Variants in ATP9B observed in about 807,000 individuals in gnomAD.
ATP9B encodes the protein probable phospholipid-transporting ATPase IIB.
In ATP9B, 110 loss-of-function variants were observed where a neutral mutation model predicts 146.1. The observed-to-expected ratio is 0.75, with a 90% CI of 0.65 to 0.88. The LOEUF (loss-of-function observed/expected upper bound fraction) is 0.88. Among genes scored for constraint, ATP9B ranks in the 40% least tolerant of loss-of-function variants. ATP9B has a pLI of 0.00. For synonymous variants in ATP9B, 604 were observed against 569.7 expected, an observed-to-expected ratio of 1.06 and a Z score of -0.86; for missense variants, 1,499 against 1,496.4, an observed-to-expected ratio of 1.00 and a Z score of -0.03.
intron 17 of ATP9B, among the ~76,000 whole-genome samples, chr18:79,335,644 C>T (rs988596318): frequency 3.3e-5 from 5 of 152,130 alleles, no homozygotes; most frequent in Admixed American, 6.5e-5. Flanking sequence ...TGGCCGTGTC[C>T]CCACCAACCC....
chr18:79,349,262 C>A (rs1318044762), intron 25 of ATP9B, among the ~76,000 whole-genome samples: 4 of 152,244 alleles, frequency 2.6e-5, no homozygotes, highest in Non-Finnish European at 2.9e-5. Context: ...CCCACCTTAA[C>A]CAGGTTCCAC....
intron 11 of ATP9B, among the ~76,000 whole-genome samples, chr18:79,237,581 G>A (rs756197173): frequency 9.9e-5 from 15 of 151,916 alleles, no homozygotes; most frequent in Non-Finnish European, 1.9e-4. Flanking sequence ...TTTAGTCAAC[G>A]AATATTGTGT....
chr18:79,251,977 A>G (rs2096028783), intron 11 of ATP9B, among the ~76,000 whole-genome samples: 1 of 152,270 alleles, frequency 6.6e-6, no homozygotes, highest in Admixed American at 6.5e-5. Flanking sequence ...TAAGTTAAGT[A>G]CATGCTGTTC....
chr18:79,353,482 C>T (rs1300958100), intron 25 of ATP9B: 1 of 152,290 alleles, frequency 6.6e-6, no homozygotes, highest in Non-Finnish European at 1.5e-5. Flanking sequence ...AGACGCTGGC[C>T]TGCAGCACAG....
intron 2 of ATP9B, among the ~76,000 whole-genome samples, chr18:79,102,484 C>T (rs1489419916): frequency 1.3e-5 from 2 of 152,188 alleles, no homozygotes; most frequent in Non-Finnish European, 2.9e-5. Context: ...GTTCTGTTCT[C>T]TTCTCCATCT....
At chr18:79,193,109 C>G in intron 8 of ATP9B, 74 bp from the exon 9 acceptor site, 1 of 1,121,584 alleles carries the variant, frequency 8.9e-7, no homozygotes, top group Non-Finnish European at 1.3e-6. Context: ...CAATATTAAT[C>G]AGCAAATGAG....
chr18:79,234,983 C>A (rs889431434), intron 11 of ATP9B, among the ~76,000 whole-genome samples: 1 of 152,162 alleles, frequency 6.6e-6, no homozygotes, highest in Admixed American at 6.5e-5. Context: ...AGCAATTCTC[C>A]TGTCTCAGCC....
chr18:79,269,503 T>A (rs1320198912), intron 12 of ATP9B, among the ~76,000 whole-genome samples: 1 of 152,206 alleles, frequency 6.6e-6, no homozygotes, highest in Non-Finnish European at 1.5e-5. Flanking sequence ...TTAAAAAAAA[T>A]TTTTATGTAT....
intron 6 of ATP9B, among the ~76,000 whole-genome samples, chr18:79,148,007 T>G (rs1178561983): frequency 6.6e-6 from 1 of 152,198 alleles, no homozygotes; most frequent in Non-Finnish European, 1.5e-5. Flanking sequence ...CTATAGATCC[T>G]GCAGCCATTA....
At chr18:79,333,449 T>C (rs2096802504) in intron 17 of ATP9B, among the ~76,000 whole-genome samples, 4 of 152,266 alleles carry the variant, frequency 2.6e-5, no homozygotes, top group Admixed American at 2.6e-4. Context: ...TTCTTTTCCG[T>C]AAACAAGTGT....
chr18:79,080,832 G>T (rs766391177), intron 1 of ATP9B, among the ~76,000 whole-genome samples: 1 of 152,182 alleles, frequency 6.6e-6, no homozygotes, highest in Admixed American at 6.5e-5. Context: ...CAGCATGAAG[G>T]GGTTTTGAAT....
intron 13 of ATP9B, among the ~76,000 whole-genome samples, chr18:79,290,270 C>T (rs1400801437): frequency 1.3e-5 from 2 of 152,214 alleles, no homozygotes; most frequent in Admixed American, 1.3e-4. Flanking sequence ...GGGCTCCACC[C>T]AGTTGGAGCT....
At chr18:79,209,330 T>C (rs1219557215) in intron 10 of ATP9B, among the ~76,000 whole-genome samples, 1 of 152,252 alleles carries the variant, frequency 6.6e-6, no homozygotes. Context: ...TATTTGTTAA[T>C]TAAGAATCAT....
At position 79,139,368 on chromosome 18, in the gene ATP9B, C is replaced by T. The variant is rs181758833; in HGVS notation, c.668-4434C>T. On this transcript the variant is annotated intron_variant, in intron 5 of 29. Transcript: ENST00000426216. The stretch of plus-strand genomic sequence containing the variant: ...GCTAGACTTTGACACAGCTGCAGTG[C>T]TGTGGATGTTTTGCAGCAGGATGTT... 1.1e-4 allele frequency among the ~76,000 whole-genome samples: 16 copies of T among 152,284 alleles called. No individual in the cohort carries two copies. In the East Asian group the frequency reaches 3.1e-3, roughly 29 times the overall value.
chr18:79,134,432 G>T (rs549817548), intron 5 of ATP9B, among the ~76,000 whole-genome samples: 3 of 152,178 alleles, frequency 2.0e-5, no homozygotes, highest in Non-Finnish European at 2.9e-5. Context: ...TCTCAGTTTC[G>T]TGAGCTTGGG....
chr18:79,143,776 T>G (rs774785319), intron 5 of ATP9B, 26 bp from the exon 6 acceptor site: 2 of 1,501,672 alleles, frequency 1.3e-6, no homozygotes, highest in Non-Finnish European at 1.8e-6. Context: ...TTTCCTTGAG[T>G]TGACTGTACT....
At chr18:79,369,690 G>A (rs1424703012) in intron 26 of ATP9B, among the ~76,000 whole-genome samples, 1 of 152,240 alleles carries the variant, frequency 6.6e-6, no homozygotes, top group Non-Finnish European at 1.5e-5. Context: ...CTTGCAGAGG[G>A]ACCATCTTTC....
intron 17 of ATP9B, among the ~76,000 whole-genome samples, chr18:79,332,299 G>T (rs1005085321): frequency 7.2e-5 from 11 of 152,066 alleles, no homozygotes; most frequent in Non-Finnish European, 1.6e-4. Context: ...TGTGGTGGCG[G>T]GCGCCTGTAG....
intron 1 of ATP9B, among the ~76,000 whole-genome samples, chr18:79,075,661 T>A (rs1394608747): frequency 1.3e-5 from 2 of 152,244 alleles, no homozygotes; most frequent in Admixed American, 6.5e-5. Flanking sequence ...GTATATAATT[T>A]TCCATCCTTT....
Sources: gnomAD v4.1 joint callset for allele counts (sites outside exome capture counted in the v4.1 genomes callset) on GRCh38, gnomAD v4.1.1 for gene constraint, MANE v1.5 for transcripts, NCBI Gene and HGNC (gene_info 2026-07-23, HGNC 2026-07-21) for gene names.